BACE1: variants seen among roughly 807,000 people sequenced by gnomAD.
The protein encoded by BACE1 is APP beta-secretase.
BACE1 carries 21 observed loss-of-function variants against 54.0 expected under a neutral mutation model. The ratio of observed to expected loss-of-function variants is 0.39; its 90% CI spans 0.28 to 0.56. The LOEUF (loss-of-function observed/expected upper bound fraction) is 0.56, where lower values mean the gene tolerates loss of function less well. BACE1 is among the 20% of genes least tolerant of loss of function. The probability of loss-of-function intolerance (pLI) is 0.63; values close to 1 mark genes in which losing one functional copy is unlikely to be tolerated. For missense variants in BACE1, 511 were observed against 661.2 expected, an observed-to-expected ratio of 0.77 and a Z score of 2.49; for synonymous variants, 232 against 260.9, an observed-to-expected ratio of 0.89 and a Z score of 1.07.
chr11:117,300,243 T>A (rs1209923899), intron 1 of BACE1, among the ~76,000 whole-genome samples: 1 of 152,024 alleles, frequency 6.6e-6, no homozygotes, highest in Non-Finnish European at 1.5e-5. Context: ...AGGTCCCCAC[T>A]GCTCTCTGCC....
chr11:117,293,110 C>T lies in BACE1; in HGVS notation c.784G>A (p.Val262Met). The change falls in exon 5 of 9, where the codon GTG becomes ATG. Residue 262 changes from valine (V) to methionine (M), a missense_variant. Coordinates refer to ENST00000313005, the MANE Select transcript of BACE1 (RefSeq NM_012104.6). This position sits in a 1 kb window ranked among gnomAD's most constrained non-coding sequence, Gnocchi z 4.1. ...TPIRREWYYE[V>M]IIVRVEINGQ... Reference sequence around the variant, plus strand: ...TTGATCTCCACCCGCACAATGATCACCTCATAATACCACTCCCGCCGGATG... The same window carrying T: ...TTGATCTCCACCCGCACAATGATCATCTCATAATACCACTCCCGCCGGATG... The T allele has an allele frequency of 3.1e-6, 5 of 1,614,132 alleles. No individual in the cohort carries two copies. Among genetic ancestry groups the T allele is most frequent in the Non-Finnish European group, 3.4e-6 (4 of 1,180,030 alleles).
Position 117,315,865 on chromosome 11 carries a change from G to A in BACE1, c.-70C>T. On this transcript the variant is annotated 5_prime_UTR_variant, in exon 1 of 9. Transcript: ENST00000313005. This position sits in a 1 kb window ranked among gnomAD's most constrained non-coding sequence, Gnocchi z 5.5. ...GTCCGTCCCTGGCGCCTGCCCCCAA[G>A]TCTGGGTGGTGCTGGTGGCTTCTCA... 2 of 1,363,058 alleles carry A rather than the reference G, an allele frequency of 1.5e-6. No individual in the cohort carries two copies. The highest frequency in any genetic ancestry group is 1.9e-6 in the Non-Finnish European group (2 of 1,064,132). 84.4% of individuals were successfully genotyped at this position (1,363,058 alleles called of 1,614,324 possible).
Position 117,315,722 on chromosome 11 carries a change from C to A in BACE1, c.74G>T (p.Gly25Val). Residue 25 changes from glycine to valine, a missense_variant, in exon 1 of 9, where the codon GGC (glycine) becomes GTC (valine). This residue lies in a region of BACE1 where 104 missense variants were observed against 95.5 expected (regional missense o/e 1.09). Coordinates refer to ENST00000313005, the MANE Select transcript of BACE1 (RefSeq NM_012104.6). The surrounding 1 kb of genome is among the most constrained non-coding windows in gnomAD (Gnocchi z 5.5). ...GCCGCTGCGCAGGGGCAGCCGGATG[C>A]CGTGCTGGGTGCCGTGGGCAGGCAG... ...GVLPAHGTQH[G>V]IRLPLRSGLG... is the part of the protein sequence containing the mutation. 6.7e-7 allele frequency: 1 copy of A among 1,488,500 alleles called. No individual in the cohort carries two copies. Among genetic ancestry groups the A allele is most frequent in the African/African-American group, 1.5e-5 (1 of 68,010 alleles). 92.2% of individuals were successfully genotyped at this position (1,488,500 alleles called of 1,614,324 possible). A position where few individuals can be genotyped will look rare whatever the true frequency, so the allele number is the denominator to read the frequency against.
intron 1 of BACE1, among the ~76,000 whole-genome samples, chr11:117,303,339 G>T (rs143811047): frequency 2.0e-5 from 3 of 152,268 alleles, no homozygotes; most frequent in Non-Finnish European, 2.9e-5. Context: ...ACAAACAAAC[G>T]TGTCCCTGGG....
chr11:117,292,796 C>CT (rs1374011848), intron 5 of BACE1: 1 of 363,966 alleles, frequency 2.7e-6, no homozygotes, highest in Admixed American at 4.3e-5. Flanking sequence ...TTGCCCAAGG[C>CT]TACGAAGCAA....
chr11:117,301,466 A>G (rs143099803), intron 1 of BACE1, among the ~76,000 whole-genome samples: 2 of 152,292 alleles, frequency 1.3e-5, no homozygotes, highest in East Asian at 1.9e-4. Flanking sequence ...AAAATTAGCC[A>G]GGCATGGTGA....
At chr11:117,311,957 C>A (rs2134496811) in intron 1 of BACE1, among the ~76,000 whole-genome samples, 1 of 152,302 alleles carries the variant, frequency 6.6e-6, no homozygotes, top group South Asian at 2.1e-4. Flanking sequence ...TTTTAAAATT[C>A]AGATGTCTCT....
Position 117,303,842 on chromosome 11 carries a change from T to C in BACE1, c.262-6881A>G, listed in dbSNP as rs367897034. Among the ~76,000 whole-genome samples, 4 of 152,182 alleles carry C rather than the reference T, an allele frequency of 2.6e-5. No individual in the cohort carries two copies. In the East Asian group the frequency reaches 7.7e-4, roughly 29 times the overall value. On this transcript the variant is annotated intron_variant, in intron 1 of 8. Coordinates refer to ENST00000313005, the MANE Select transcript of BACE1 (RefSeq NM_012104.6). ...ATTCTTGCATAACAAGGCTTTCAGC[T>C]AAAGTTGAGATTTAGAAGCCTTCCA...
At position 117,289,177 on chromosome 11, in the gene BACE1, C is replaced by A; in HGVS notation, c.*389G>T. 4.5e-6 allele frequency: 1 copy of A among 220,594 alleles called. No homozygotes were observed. The highest frequency in any genetic ancestry group is 9.2e-6 in the Non-Finnish European group (1 of 108,224). The allele number at this position is 220,594 out of a possible 1,614,324, so 13.7% of individuals were successfully genotyped here. ...CTTCTCTGCCAGGGTACCACAGGGA[C>A]ACACGCCAAGGTAACCTGCGTGTGA... is the stretch of plus-strand genomic sequence containing the variant. On this transcript the variant is annotated 3_prime_UTR_variant, in exon 9 of 9. Coordinates refer to ENST00000313005, the MANE Select transcript of BACE1 (RefSeq NM_012104.6).
chr11:117,292,856 C>A, intron 5 of BACE1, 198 bp downstream of exon 5: 1 of 537,678 alleles, frequency 1.9e-6, no homozygotes. Flanking sequence ...TTTTTTTTTT[C>A]ACTACCAGTC....
At chr11:117,312,315 C>T (rs1203169408) in intron 1 of BACE1, among the ~76,000 whole-genome samples, 1 of 152,216 alleles carries the variant, frequency 6.6e-6, no homozygotes, top group Non-Finnish European at 1.5e-5. Flanking sequence ...ATGGTGCCAT[C>T]TGCCCCCTGG....
chr11:117,303,302 C>T (rs1299159635), intron 1 of BACE1, among the ~76,000 whole-genome samples: 1 of 152,144 alleles, frequency 6.6e-6, no homozygotes, highest in Admixed American at 6.5e-5. Context: ...AGCCTGGGGT[C>T]AGAACTAGGT....
At chr11:117,310,682 A>C (rs553279542) in intron 1 of BACE1, among the ~76,000 whole-genome samples, 4 of 151,820 alleles carry the variant, frequency 2.6e-5, no homozygotes, top group African/African-American at 7.2e-5. Context: ...CAGCCTCCCA[A>C]AGTGCTGGGA....
intron 8 of BACE1, 127 bp from the exon 9 acceptor site, chr11:117,289,934 T>TTAG: frequency 1.2e-6 from 1 of 847,332 alleles, no homozygotes; most frequent in Non-Finnish European, 1.9e-6. Context: ...TCCCAGGAGA[T>TTAG]ATTTAGGAGC....
In BACE1 at chr11:117,291,829, G is replaced by T. The variant is rs747973911; in HGVS notation, c.841-16C>A. 2.5e-6 allele frequency: 4 copies of T among 1,590,410 alleles called. No individual in the cohort carries two copies. Among genetic ancestry groups the T allele is most frequent in the Non-Finnish European group, 1.7e-6 (2 of 1,159,140 alleles). Reference sequence around the variant, plus strand: ...CATAGTTGTACTAAGAGGGAAAAGAGAGAGTTAAAAGAGTCAAAAGGTTTT... The same window carrying T: ...CATAGTTGTACTAAGAGGGAAAAGATAGAGTTAAAAGAGTCAAAAGGTTTT... On this transcript the variant is annotated splice_polypyrimidine_tract_variant and intron_variant, in intron 5 of 8. Transcript: ENST00000313005.
intron 1 of BACE1, among the ~76,000 whole-genome samples, chr11:117,308,070 T>C (rs2034871126): frequency 6.6e-6 from 1 of 150,864 alleles, no homozygotes; most frequent in Admixed American, 6.6e-5. Flanking sequence ...GGGGATGGCT[T>C]GGTGACAGGA....
chr11:117,308,128 G>A (rs1050106922), intron 1 of BACE1, among the ~76,000 whole-genome samples: 5 of 152,124 alleles, frequency 3.3e-5, no homozygotes, highest in East Asian at 1.9e-4. Flanking sequence ...CTCCCTCACC[G>A]CTGAGGTCCC....
rs189365932 is a variant in BACE1, at chr11:117,302,624, T to C, written c.262-5663A>G. ...CAGGCCAGGCGCGGTGGCTCACGCCTGTAATCCCAACAATTTGGGAGGCCA... is the reference window on the plus strand; with the variant it reads ...CAGGCCAGGCGCGGTGGCTCACGCCCGTAATCCCAACAATTTGGGAGGCCA... On this transcript the variant is annotated intron_variant, in intron 1 of 8. Coordinates refer to ENST00000313005, the MANE Select transcript of BACE1 (RefSeq NM_012104.6). Among the ~76,000 whole-genome samples, 952 of 152,330 alleles carry C rather than the reference T, an allele frequency of 6.2e-3. 10 individuals carry two copies. The highest frequency in any genetic ancestry group is 0.021 in the African/African-American group (868 of 41,572).
chr11:117,293,626 C>A lies in BACE1; in HGVS notation c.705+245G>T. ...ATTTTAATTCAACAGGTCTTATTTT[C>A]ATTTCCTTTGAAATTTTCCTAATTG... is the stretch of plus-strand genomic sequence containing the variant. On this transcript the variant is annotated intron_variant, in intron 4 of 8. Transcript: ENST00000313005. The surrounding 1 kb of genome is among the most constrained non-coding windows in gnomAD (Gnocchi z 4.1). 2.7e-6 allele frequency: 1 copy of A among 367,826 alleles called. No homozygotes were observed. Among genetic ancestry groups the A allele is most frequent in the Non-Finnish European group, 4.8e-6 (1 of 210,366 alleles). 22.8% of individuals were successfully genotyped at this position (367,826 alleles called of 1,614,324 possible).
Sources: allele counts gnomAD v4.1 joint callset (sites outside exome capture counted in the v4.1 genomes callset), GRCh38; gene constraint gnomAD v4.1.1; regional missense constraint gnomAD v4.1.1; non-coding constraint Gnocchi (gnomAD v3.1); transcripts MANE v1.5; gene names NCBI Gene and HGNC (gene_info 2026-07-23, HGNC 2026-07-21).